The following VTI1A variants were observed in gnomAD, a reference collection of about 807,000 sequenced individuals.
The protein encoded by VTI1A is vesicle transport through interaction with t-SNAREs 1A.
VTI1A carries 22 observed loss-of-function variants against 34.9 expected under a neutral mutation model. The ratio of observed to expected loss-of-function variants is 0.63; its 90% CI spans 0.45 to 0.90. VTI1A has a LOEUF of 0.90. VTI1A is among the 40% of genes least tolerant of loss of function. VTI1A has a pLI of 0.00. For synonymous variants in VTI1A, 87 were observed against 97.3 expected (o/e 0.89, Z 0.62); for missense variants, 268 against 275.6 (o/e 0.97, Z 0.20).
At chr10:112,797,830 G>A (rs1852724147) in intron 7 of VTI1A, among the ~76,000 whole-genome samples, 1 of 152,202 alleles carries the variant, frequency 6.6e-6, no homozygotes, top group African/African-American at 2.4e-5. Flanking sequence ...AAGTAACGGG[G>A]AGGCTAGTAC....
At chr10:112,644,362 G>A (rs1447908869) in intron 5 of VTI1A, among the ~76,000 whole-genome samples, 1 of 152,164 alleles carries the variant, frequency 6.6e-6, no homozygotes, top group Non-Finnish European at 1.5e-5. Flanking sequence ...GTCAAAATAT[G>A]AAAATTAAAG....
chr10:112,578,717 C>G (rs1469454776), intron 5 of VTI1A, among the ~76,000 whole-genome samples: 2 of 152,152 alleles, frequency 1.3e-5, no homozygotes, highest in Admixed American at 1.3e-4. Context: ...AGCGTAGCCC[C>G]ATTCTAAACA....
At chr10:112,573,635 T>C (rs1030741153) in intron 5 of VTI1A, among the ~76,000 whole-genome samples, 2 of 152,238 alleles carry the variant, frequency 1.3e-5, no homozygotes, top group African/African-American at 4.8e-5. Flanking sequence ...TCACTGTCTA[T>C]GGCTTTAGGA....
intron 5 of VTI1A, among the ~76,000 whole-genome samples, chr10:112,563,420 T>C (rs932794098): frequency 6.6e-6 from 1 of 152,158 alleles, no homozygotes; most frequent in African/African-American, 2.4e-5. Context: ...CATTCATTCA[T>C]CATATAAAAA....
intron 7 of VTI1A, among the ~76,000 whole-genome samples, chr10:112,766,755 C>A (rs529909117): frequency 3.3e-5 from 5 of 152,322 alleles, no homozygotes; most frequent in African/African-American, 7.2e-5. Flanking sequence ...TCTTCATAAA[C>A]CTTTTCCTTA....
chr10:112,583,669 T>C (rs934241724), intron 5 of VTI1A, among the ~76,000 whole-genome samples: 4 of 152,214 alleles, frequency 2.6e-5, no homozygotes, highest in Non-Finnish European at 5.9e-5. Flanking sequence ...GTGGCCATTG[T>C]ACTGTATGGC....
At chr10:112,552,242 C>T (rs1367880555) in intron 5 of VTI1A, among the ~76,000 whole-genome samples, 1 of 152,192 alleles carries the variant, frequency 6.6e-6, no homozygotes, top group Non-Finnish European at 1.5e-5. Context: ...TAACACTGAT[C>T]CCCTGAATAT....
intron 5 of VTI1A, among the ~76,000 whole-genome samples, chr10:112,626,705 A>G (rs1271950070): frequency 6.6e-6 from 1 of 152,238 alleles, no homozygotes. Context: ...AAAAGGAGAT[A>G]GAGCCAGGGT....
chr10:112,509,001 A>C (rs1849524477), intron 3 of VTI1A, among the ~76,000 whole-genome samples: 1 of 152,206 alleles, frequency 6.6e-6, no homozygotes, highest in South Asian at 2.1e-4. Context: ...TGGTCTTTTT[A>C]GTCAGGAGAG....
intron 7 of VTI1A, among the ~76,000 whole-genome samples, chr10:112,806,862 C>G (rs1853101419): frequency 6.6e-6 from 1 of 152,226 alleles, no homozygotes; most frequent in Non-Finnish European, 1.5e-5. Flanking sequence ...TCTGGGATTT[C>G]AGGCATGAGC....
At chr10:112,712,073 C>T (rs1007157393) in intron 7 of VTI1A, among the ~76,000 whole-genome samples, 1 of 152,088 alleles carries the variant, frequency 6.6e-6, no homozygotes, top group African/African-American at 2.4e-5. Context: ...AATGAGTGAC[C>T]CAATTAGTAA....
rs137931303 is a variant in VTI1A at position 112,689,857 on chromosome 10, C to T, written c.560+20859C>T. On this transcript the variant is annotated intron_variant, in intron 7 of 7. Coordinates refer to ENST00000393077, the MANE Select transcript of VTI1A (RefSeq NM_145206.4). ...CAGCTGTGTTGCCTTGCTCCACCAC[C>T]ACACATCAAGATATAGAACAGTTCC... Among the ~76,000 whole-genome samples, 492 of 152,174 alleles carry T rather than the reference C, an allele frequency of 3.2e-3. 2 individuals are homozygous for T. The highest frequency in any genetic ancestry group is 0.011 in the African/African-American group (474 of 41,516).
the VTI1A span, chr10:112,827,676 C>A: frequency 2.6e-5 from 4 of 151,986 alleles, no homozygotes; most frequent in African/African-American, 9.7e-5. Context: ...TTGTTGTTTC[C>A]TGGAATAACT....
chr10:112,480,592 C>G (rs1185018731), intron 3 of VTI1A, among the ~76,000 whole-genome samples: 1 of 151,982 alleles, frequency 6.6e-6, no homozygotes, highest in Non-Finnish European at 1.5e-5. Context: ...GAGGAAGGCA[C>G]CCTCTGGGAG....
intron 5 of VTI1A, among the ~76,000 whole-genome samples, chr10:112,543,964 G>C (rs936231951): frequency 5.3e-5 from 8 of 152,136 alleles, no homozygotes; most frequent in Non-Finnish European, 8.8e-5. Flanking sequence ...GTTTTTGTCA[G>C]GTTTCTCAAA....
chr10:112,619,344 C>T (rs767649007), intron 5 of VTI1A, among the ~76,000 whole-genome samples: 6 of 151,928 alleles, frequency 3.9e-5, no homozygotes, highest in Non-Finnish European at 7.4e-5. Flanking sequence ...CCTGTAAGCA[C>T]GTTCATCTGG....
rs539322412 is a variant in VTI1A at position 112,701,337 on chromosome 10, G to A, written c.560+32339G>A. 2.6e-5 allele frequency among the ~76,000 whole-genome samples: 4 copies of A among 152,300 alleles called. No individual in the cohort carries two copies. The South Asian group carries it at 8.3e-4, about 32-fold the overall frequency. On this transcript the variant is annotated intron_variant, in intron 7 of 7. Transcript: ENST00000393077. ...ATGCCTGACTTGTGGATGTAAGCAG[G>A]AATTAGCGATTACTTCGAATGGCTG...
intron 7 of VTI1A, among the ~76,000 whole-genome samples, chr10:112,704,984 G>T (rs930135286): frequency 3.3e-5 from 5 of 152,032 alleles, no homozygotes; most frequent in African/African-American, 9.7e-5. Context: ...CAATTCCTGG[G>T]CTCAAACAAT....
At chr10:112,531,952 G>T (rs549441971) in intron 4 of VTI1A, among the ~76,000 whole-genome samples, 23 of 152,226 alleles carry the variant, frequency 1.5e-4, no homozygotes, top group African/African-American at 5.1e-4. Flanking sequence ...TGATTTACTT[G>T]TATGTAACTG....
Sources: gnomAD v4.1 joint callset for allele counts (sites outside exome capture counted in the v4.1 genomes callset) on GRCh38, gnomAD v4.1.1 for gene constraint, MANE v1.5 for transcripts, NCBI Gene and HGNC (gene_info 2026-07-23, HGNC 2026-07-21) for gene names.